Variants in PTPRG observed in about 807,000 individuals in gnomAD.
The protein encoded by PTPRG is protein tyrosine phosphatase receptor type G, also known as receptor-type tyrosine-protein phosphatase gamma.
Under a neutral mutation model 165.3 loss-of-function variants are expected in PTPRG, and 102 were observed. That is an observed-to-expected ratio of 0.62 (90% CI 0.53 to 0.73). The LOEUF is 0.73. Ranked by LOEUF, PTPRG falls within the 30% of genes least tolerant of loss-of-function variation. The pLI, the probability that PTPRG is intolerant of heterozygous loss-of-function variation, is 0.00. For synonymous variants in PTPRG, 675 were observed against 669.5 expected, an observed-to-expected ratio of 1.01 and a Z score of -0.13; for missense variants, 1,866 against 1,861.4, an observed-to-expected ratio of 1.00 and a Z score of -0.05.
At chr3:62,031,760 G>C (rs1699776529) in intron 4 of PTPRG, among the ~76,000 whole-genome samples, 1 of 152,170 alleles carries the variant, frequency 6.6e-6, no homozygotes, top group African/African-American at 2.4e-5. Flanking sequence ...TGGCAAATGA[G>C]GTTGACAATT....
At chr3:61,874,393 TA>T (rs1426955235) in intron 2 of PTPRG, among the ~76,000 whole-genome samples, 1 of 152,198 alleles carries the variant, frequency 6.6e-6, no homozygotes, top group Non-Finnish European at 1.5e-5. Context: ...ATAAATTGGG[TA>T]TTTAAAGGCA....
chr3:61,656,046 C>T (rs374498562), intron 1 of PTPRG, among the ~76,000 whole-genome samples: 3 of 150,416 alleles, frequency 2.0e-5, no homozygotes, highest in East Asian at 1.9e-4. Flanking sequence ...AAGACCCCCC[C>T]CCCCCCGACC....
At chr3:61,586,605 TC>T (rs1700441871) in intron 1 of PTPRG, among the ~76,000 whole-genome samples, 1 of 152,228 alleles carries the variant, frequency 6.6e-6, no homozygotes. Context: ...GAGCCTGACT[TC>T]CTGGGAAGGA....
chr3:61,691,646 T>G (rs184110000), intron 1 of PTPRG, among the ~76,000 whole-genome samples: 109 of 152,358 alleles, frequency 7.2e-4, no homozygotes, highest in Admixed American at 5.0e-3. Flanking sequence ...TGTATTGTCC[T>G]GATCTCATAC....
At chr3:61,784,111 A>G (rs2034622726) in intron 2 of PTPRG, among the ~76,000 whole-genome samples, 1 of 152,152 alleles carries the variant, frequency 6.6e-6, no homozygotes, top group Admixed American at 6.5e-5. Context: ...AATGGTGAAA[A>G]CTACACTGTG....
intron 1 of PTPRG, among the ~76,000 whole-genome samples, chr3:61,679,464 G>A (rs1053828273): frequency 3.0e-4 from 45 of 152,134 alleles, no homozygotes; most frequent in African/African-American, 1.0e-3. Context: ...AACCTTAACA[G>A]TATGATCTTA....
intron 2 of PTPRG, among the ~76,000 whole-genome samples, chr3:61,902,352 A>G (rs942840899): frequency 6.6e-6 from 1 of 152,130 alleles, no homozygotes; most frequent in African/African-American, 2.4e-5. Flanking sequence ...ATAGCATTGG[A>G]GGGAGAAGCA....
chr3:61,999,674 T>A (rs2041124992), intron 3 of PTPRG, among the ~76,000 whole-genome samples: 1 of 152,230 alleles, frequency 6.6e-6, no homozygotes, highest in African/African-American at 2.4e-5. Flanking sequence ...TTTGATTAAA[T>A]GAATTGATTT....
intron 5 of PTPRG, among the ~76,000 whole-genome samples, chr3:62,119,704 TC>T (rs1464428938): frequency 1.3e-5 from 2 of 151,548 alleles, no homozygotes; most frequent in Admixed American, 6.6e-5. Flanking sequence ...CACTGCAAAC[TC>T]CACGTCCTGG....
intron 4 of PTPRG, among the ~76,000 whole-genome samples, chr3:62,007,467 C>G (rs1057304782): frequency 1.3e-5 from 2 of 152,218 alleles, no homozygotes; most frequent in Non-Finnish European, 2.9e-5. Flanking sequence ...AGTCAGATTA[C>G]AATGCCATGC....
intron 28 of PTPRG, among the ~76,000 whole-genome samples, chr3:62,285,347 T>G (rs1307418943): frequency 6.6e-6 from 1 of 152,106 alleles, no homozygotes; most frequent in African/African-American, 2.4e-5. Context: ...AATTCTTCTT[T>G]TCAAAGTGTT....
In PTPRG at chr3:62,255,577, G is replaced by C. The variant is rs1339304288; in HGVS notation, c.2559+362G>C. Among the ~76,000 whole-genome samples, 12 of 152,268 alleles carry C rather than the reference G, an allele frequency of 7.9e-5. No homozygotes were observed. In the East Asian group the frequency reaches 1.6e-3, roughly 20 times the overall value. On this transcript the variant is annotated intron_variant, in intron 16 of 29. Transcript: ENST00000474889. This position sits in a 1 kb window ranked among gnomAD's most constrained non-coding sequence, Gnocchi z 4.0. ...TCTTTTCTGCAATGCACATGGTATA[G>C]TGAAGATAGCAGGTTTGGTGTCTGA...
chr3:61,822,583 G>C (rs2035986039), intron 2 of PTPRG, among the ~76,000 whole-genome samples: 1 of 152,184 alleles, frequency 6.6e-6, no homozygotes, highest in African/African-American at 2.4e-5. Context: ...AAATGGACAA[G>C]AAAAATAAAT....
At position 61,604,124 on chromosome 3, in the gene PTPRG, G is replaced by C. The variant is rs116544804; in HGVS notation, c.85+41752G>C. Among the ~76,000 whole-genome samples the C allele has an allele frequency of 6.6e-3, 1,007 of 152,320 alleles. 10 individuals carry two copies. The highest frequency in any genetic ancestry group is 0.022 in the African/African-American group (929 of 41,568). On this transcript the variant is annotated intron_variant, in intron 1 of 29. Coordinates refer to ENST00000474889, the MANE Select transcript of PTPRG (RefSeq NM_002841.4). The stretch of plus-strand genomic sequence containing the variant: ...AGATCGCTTGAGGCTAGGAGTACAA[G>C]ACCTGTCTGGCCAACATGGCAAAAC...
intron 2 of PTPRG, among the ~76,000 whole-genome samples, chr3:61,795,381 A>T (rs1426767661): frequency 6.6e-6 from 1 of 151,902 alleles, no homozygotes; most frequent in Non-Finnish European, 1.5e-5. Flanking sequence ...GATGGCTCAC[A>T]CCTATAATCC....
intron 2 of PTPRG, among the ~76,000 whole-genome samples, chr3:61,757,712 T>C (rs2033677477): frequency 6.6e-6 from 1 of 152,250 alleles, no homozygotes; most frequent in East Asian, 1.9e-4. Context: ...ATAAATTTAT[T>C]GTGTCAACAC....
chr3:62,089,480 G>T (rs1438086595), intron 5 of PTPRG, among the ~76,000 whole-genome samples: 1 of 152,208 alleles, frequency 6.6e-6, no homozygotes, highest in Non-Finnish European at 1.5e-5. Context: ...TCTATTGCAA[G>T]AACGTCCATG....
intron 1 of PTPRG, among the ~76,000 whole-genome samples, chr3:61,735,102 G>A (rs1240609796): frequency 6.6e-6 from 1 of 152,108 alleles, no homozygotes; most frequent in Non-Finnish European, 1.5e-5. Flanking sequence ...TCCCAAAAAG[G>A]CAAAACATTT....
rs1262000147 is a variant in PTPRG, at chr3:62,282,832, G to A, written c.4018G>A (p.Ala1340Thr). The A allele has an allele frequency of 1.9e-6, 3 of 1,611,298 alleles. No homozygotes were observed. The highest frequency in any genetic ancestry group is 2.5e-6 in the Non-Finnish European group (3 of 1,178,314). ...FELINVIKEE[A>T]LTRDGPTIVH... is the part of the protein sequence containing the mutation. ...ACTTATCAACGTCATCAAGGAAGAG[G>A]CCTTAACAAGGGATGGTCCCACCAT... The change falls in exon 28 of 30, where the codon GCC (alanine) becomes ACC (threonine). Residue 1340 changes from alanine to threonine, a missense_variant. Ala to Thr is a moderately conservative substitution (Grantham distance 58). This residue lies in a region of PTPRG where 1,452 missense variants were observed against 1,463.0 expected (regional missense o/e 0.99). Coordinates refer to ENST00000474889, the MANE Select transcript of PTPRG (RefSeq NM_002841.4).
Sources: gnomAD v4.1 joint callset for allele counts (sites outside exome capture counted in the v4.1 genomes callset) on GRCh38, gnomAD v4.1.1 for gene constraint, gnomAD v4.1.1 regional missense constraint, Gnocchi (gnomAD v3.1) non-coding constraint, MANE v1.5 for transcripts, NCBI Gene and HGNC (gene_info 2026-07-23, HGNC 2026-07-21) for gene names.